The following ENPP2 variants were observed in gnomAD, a reference collection of about 807,000 sequenced individuals.
The protein encoded by ENPP2 is ectonucleotide pyrophosphatase/phosphodiesterase 2, also known as autotaxin.
In ENPP2, 51 loss-of-function variants were observed where a neutral mutation model predicts 120.2. The ratio of observed to expected loss-of-function variants is 0.42; its 90% CI spans 0.34 to 0.54. The LOEUF (loss-of-function observed/expected upper bound fraction) is 0.54. Ranked by LOEUF, ENPP2 falls within the 20% of genes least tolerant of loss-of-function variation. The pLI is 0.04. For missense variants in ENPP2, 920 were observed against 1,066.5 expected (o/e 0.86, Z 1.91); for synonymous variants, 365 against 366.4 (o/e 1.00, Z 0.04).
At position 119,603,588 on chromosome 8, in the gene ENPP2, T is replaced by C. The variant is rs76931412; in HGVS notation, c.834-2126A>G. Reference sequence around the variant, plus strand: ...AACGAGGACAATATAATAGTACCTATCTCATAAAGTTGTAGTAAAGGTGAA... The same window carrying C: ...AACGAGGACAATATAATAGTACCTACCTCATAAAGTTGTAGTAAAGGTGAA... On this transcript the variant is annotated intron_variant, in intron 9 of 24. Coordinates refer to ENST00000075322, the MANE Select transcript of ENPP2 (RefSeq NM_001040092.3). Among the ~76,000 whole-genome samples the C allele has an allele frequency of 3.9e-4, 60 of 152,268 alleles. 1 individual carries two copies. In the East Asian group the frequency reaches 0.011, roughly 28 times the overall value.
intron 1 of ENPP2, among the ~76,000 whole-genome samples, chr8:119,663,555 T>C (rs541825276): frequency 1.1e-4 from 16 of 152,352 alleles, no homozygotes; most frequent in African/African-American, 3.1e-4. Context: ...AGATCTCTTA[T>C]AGTTTCACCA....
At chr8:119,575,453 T>C (rs1278473965) in intron 19 of ENPP2, among the ~76,000 whole-genome samples, 1 of 152,130 alleles carries the variant, frequency 6.6e-6, no homozygotes, top group Non-Finnish European at 1.5e-5. Context: ...TTCCAAACTT[T>C]GATATACAAA....
At chr8:119,610,442 A>C (rs2130652461) in intron 8 of ENPP2, among the ~76,000 whole-genome samples, 1 of 152,246 alleles carries the variant, frequency 6.6e-6, no homozygotes, top group East Asian at 1.9e-4. Context: ...AGGCACTAAA[A>C]TATTGGTCCA....
chr8:119,573,408 T>TAAAAAAAAAA lies in ENPP2; in HGVS notation c.1781-2577_1781-2568dup, dbSNP rs35227070. Among the ~76,000 whole-genome samples the TAAAAAAAAAA allele has an allele frequency of 9.2e-4, 115 of 124,342 alleles. 1 individual carries two copies. The highest frequency in any genetic ancestry group is 4.8e-3 in the South Asian group (17 of 3,548). The allele number at this position is 124,342 out of a possible 152,430, so 81.6% of individuals were successfully genotyped here. A position where few individuals can be genotyped will look rare whatever the true frequency, so the allele number is the denominator to read the frequency against. On this transcript the variant is annotated intron_variant, in intron 19 of 24. Coordinates refer to ENST00000075322, the MANE Select transcript of ENPP2 (RefSeq NM_001040092.3). ...GGTGACAGAGCGAGGCTCCGTCTCT[T>TAAAAAAAAAA]AAAAAAAAAAAAAAAAAAGATTCAT...
At chr8:119,590,238 A>G (rs577783465) in intron 13 of ENPP2, among the ~76,000 whole-genome samples, 11 of 152,350 alleles carry the variant, frequency 7.2e-5, no homozygotes, top group Admixed American at 7.2e-4. Flanking sequence ...ATAAGAGCAA[A>G]TATTTATATA....
At chr8:119,590,757 CT>C in intron 12 of ENPP2, 127 bp from the exon 13 acceptor site, 3 of 576,446 alleles carry the variant, frequency 5.2e-6, no homozygotes, top group Non-Finnish European at 5.6e-6. Flanking sequence ...AGAGCCCTGA[CT>C]TTTGAGATTT....
At chr8:119,633,082 T>C (rs1816782485) in intron 2 of ENPP2, among the ~76,000 whole-genome samples, 1 of 152,160 alleles carries the variant, frequency 6.6e-6, no homozygotes, top group Non-Finnish European at 1.5e-5. Flanking sequence ...AAAAGAATTC[T>C]AGTGCCATCT....
At chr8:119,588,789 C>A (rs1487335077) in intron 13 of ENPP2, among the ~76,000 whole-genome samples, 4 of 152,138 alleles carry the variant, frequency 2.6e-5, no homozygotes, top group African/African-American at 2.4e-5. Flanking sequence ...TCAGATAAGT[C>A]CCAGAGAATT....
At chr8:119,587,653 G>C (rs1225274991) in intron 13 of ENPP2, among the ~76,000 whole-genome samples, 1 of 152,108 alleles carries the variant, frequency 6.6e-6, no homozygotes, top group Non-Finnish European at 1.5e-5. Context: ...ATTTTCAATA[G>C]CATCAAGTAA....
At chr8:119,562,825 C>G in intron 24 of ENPP2, 32 bp downstream of exon 24, 1 of 1,601,084 alleles carries the variant, frequency 6.2e-7, no homozygotes, top group Non-Finnish European at 8.5e-7. Context: ...ACTATGGAAG[C>G]AAATCCTAAA....
At chr8:119,579,889 G>T (rs1244314373) in intron 19 of ENPP2, among the ~76,000 whole-genome samples, 2 of 152,104 alleles carry the variant, frequency 1.3e-5, no homozygotes, top group African/African-American at 4.8e-5. Flanking sequence ...GGGCTTAAAA[G>T]CTATTGAGGG....
chr8:119,612,023 T>C (rs1038927560), intron 8 of ENPP2, among the ~76,000 whole-genome samples: 2 of 151,980 alleles, frequency 1.3e-5, no homozygotes, highest in Non-Finnish European at 2.9e-5. Flanking sequence ...AGCAAAACTC[T>C]GTCTCAAAAA....
At position 119,654,634 on chromosome 8, in the gene ENPP2, C is replaced by T. The variant is rs560497930; in HGVS notation, c.22-16107G>A. 5.9e-5 allele frequency among the ~76,000 whole-genome samples: 9 copies of T among 151,838 alleles called. No individual in the cohort carries two copies. In the South Asian group the frequency reaches 1.7e-3, roughly 28 times the overall value. ...TGCTGGAATAACAGGCATGAGCCACCATACCCAGGCTCCCATGCATGCTTT... is the reference window on the plus strand; with the variant it reads ...TGCTGGAATAACAGGCATGAGCCACTATACCCAGGCTCCCATGCATGCTTT... On this transcript the variant is annotated intron_variant, in intron 1 of 25. Transcript: ENST00000427067.
At chr8:119,669,323 T>C (rs1194367790) in intron 1 of ENPP2, among the ~76,000 whole-genome samples, 2 of 152,264 alleles carry the variant, frequency 1.3e-5, no homozygotes, top group Admixed American at 1.3e-4. Flanking sequence ...TGTGAACTGA[T>C]TAAAGTTTAT....
At chr8:119,578,228 T>G (rs939355190) in intron 19 of ENPP2, 9 of 152,056 alleles carry the variant, frequency 5.9e-5, no homozygotes, top group Non-Finnish European at 8.8e-5. Context: ...ATTTTTGTAT[T>G]TTTTTAGTAG....
rs547303686 is a variant in ENPP2 at position 119,595,810 on chromosome 8, G to A, written c.973-1950C>T. ...TGAAGGCAACCTTCAACTCAGACCT[G>A]CCCGCCACAAAGCTTTGGAACAATA... On this transcript the variant is annotated intron_variant, in intron 11 of 24. Transcript: ENST00000075322. The A allele has an allele frequency of 3.7e-6, 6 of 1,608,690 alleles. No homozygotes were observed. The Admixed American group carries it at 5.0e-5, about 13-fold the overall frequency.
chr8:119,663,706 C>T (rs1817990651), intron 1 of ENPP2, among the ~76,000 whole-genome samples: 1 of 152,114 alleles, frequency 6.6e-6, no homozygotes, highest in Non-Finnish European at 1.5e-5. Flanking sequence ...GTAGAAGCCA[C>T]TGAAACACTC....
chr8:119,605,244 G>A lies in ENPP2; in HGVS notation c.833+2678C>T, dbSNP rs570212395. 1.7e-4 allele frequency among the ~76,000 whole-genome samples: 26 copies of A among 151,758 alleles called. 1 individual carries two copies. The highest frequency in any genetic ancestry group is 5.3e-4 in the African/African-American group (22 of 41,386). ...GTGCCACCATGCCTGGCTAATTTTCGTATATTTTGGAGAGATGGGGTTTTG... is the reference window on the plus strand; with the variant it reads ...GTGCCACCATGCCTGGCTAATTTTCATATATTTTGGAGAGATGGGGTTTTG... On this transcript the variant is annotated intron_variant, in intron 9 of 24. Coordinates refer to ENST00000075322, the MANE Select transcript of ENPP2 (RefSeq NM_001040092.3).
chr8:119,652,187 A>C (rs1817644903), intron 1 of ENPP2, among the ~76,000 whole-genome samples: 1 of 152,118 alleles, frequency 6.6e-6, no homozygotes, highest in Non-Finnish European at 1.5e-5. Context: ...GTAACCTCAC[A>C]TTATGGAAGG....
Sources: gnomAD v4.1 joint callset for allele counts (sites outside exome capture counted in the v4.1 genomes callset) on GRCh38, gnomAD v4.1.1 for gene constraint, MANE v1.5 for transcripts, NCBI Gene and HGNC (gene_info 2026-07-23, HGNC 2026-07-21) for gene names.